Variants in PCDH11X observed in about 807,000 individuals in gnomAD.
PCDH11X encodes the protein protocadherin 11 X-linked, also known as protocadherin-11 X-linked.
In PCDH11X, 18 loss-of-function variants were observed where a neutral mutation model predicts 53.3. That is an observed-to-expected ratio of 0.34 (90% CI 0.23 to 0.50). PCDH11X has a LOEUF of 0.50. Ranked by LOEUF, PCDH11X falls within the 20% of genes least tolerant of loss-of-function variation. The pLI is 0.98. For missense variants in PCDH11X, 570 were observed against 1,032.4 expected, an observed-to-expected ratio of 0.55 and a Z score of 6.14; for synonymous variants, 279 against 393.3, an observed-to-expected ratio of 0.71 and a Z score of 3.44.
chrX:92,277,779 G>C (rs926495944), intron 8 of PCDH11X, among the ~76,000 whole-genome samples: 1 of 110,590 alleles, frequency 9.0e-6, no homozygotes, highest in African/African-American at 3.3e-5. Context: ...TAGAAAAGTG[G>C]GACTTGCCAC....
At chrX:92,596,237 C>T (rs954399142) in intron 10 of PCDH11X, among the ~76,000 whole-genome samples, 13 of 112,116 alleles carry the variant, frequency 1.2e-4, no homozygotes, top group Admixed American at 3.8e-4. Context: ...TGCAAAGCAG[C>T]GGTTTTACTC....
chrX:92,071,412 A>C (rs1453069470), intron 6 of PCDH11X, among the ~76,000 whole-genome samples: 1 of 111,436 alleles, frequency 9.0e-6, no homozygotes, highest in Non-Finnish European at 1.9e-5. Flanking sequence ...TTTTTGAATT[A>C]TCTCTCTGAA....
At chrX:92,118,465 A>G (rs2064683677) in intron 6 of PCDH11X, among the ~76,000 whole-genome samples, 1 of 107,734 alleles carries the variant, frequency 9.3e-6, no homozygotes, top group Non-Finnish European at 1.9e-5. Context: ...ATATATATGT[A>G]TTGACTCATT....
chrX:92,235,311 C>T (rs2067150184), intron 7 of PCDH11X, among the ~76,000 whole-genome samples: 1 of 111,031 alleles, frequency 9.0e-6, no homozygotes, highest in African/African-American at 3.3e-5. Context: ...TTATAGCTGT[C>T]AGGTCTGGGT....
rs186653883 is a variant in PCDH11X, at chrX:92,279,184, T to C, written c.3144+16041T>C. On this transcript the variant is annotated intron_variant, in intron 8 of 10. Transcript: ENST00000682573. ...TCAAATAGCATTCTCCTTCCCACTA[T>C]ATTTGATTCCTTTTAGCCTGGTATA... Among the ~76,000 whole-genome samples, 397 of 112,410 alleles carry C rather than the reference T, an allele frequency of 3.5e-3. 1 individual carries two copies. The highest frequency in any genetic ancestry group is 4.7e-3 in the Non-Finnish European group (250 of 53,311).
intron 8 of PCDH11X, among the ~76,000 whole-genome samples, chrX:92,299,689 T>A (rs754423609): frequency 2.5e-4 from 28 of 111,773 alleles, no homozygotes; most frequent in Non-Finnish European, 5.1e-4. Flanking sequence ...TGTGTTTATC[T>A]AAATTTTCTC....
chrX:92,107,524 G>C (rs1165558959), intron 6 of PCDH11X, among the ~76,000 whole-genome samples: 1 of 111,781 alleles, frequency 8.9e-6, no homozygotes, highest in Non-Finnish European at 1.9e-5. Context: ...ATCACCTGAA[G>C]TCGGGAGTTC....
chrX:92,246,646 C>T (rs748039624), intron 7 of PCDH11X, among the ~76,000 whole-genome samples: 12 of 111,468 alleles, frequency 1.1e-4, no homozygotes, highest in Non-Finnish European at 2.1e-4. Flanking sequence ...CCACCGTGCC[C>T]GACCTGAAAA....
chrX:92,575,905 GTATATATATATATATATATATATATA>G (rs58574424), intron 10 of PCDH11X, among the ~76,000 whole-genome samples: 2 of 25,825 alleles, frequency 7.7e-5, no homozygotes, highest in Non-Finnish European at 1.2e-4. Flanking sequence ...TACCTGGTGT[GTATATATATATATATATATATATATA>G]TATATATATA....
intron 10 of PCDH11X, among the ~76,000 whole-genome samples, chrX:92,498,494 C>A (rs1052859145): frequency 9.1e-6 from 1 of 110,383 alleles, no homozygotes; most frequent in Non-Finnish European, 1.9e-5. Flanking sequence ...GTAGGGGCTT[C>A]TTTTCCTTAA....
intron 9 of PCDH11X, among the ~76,000 whole-genome samples, chrX:92,438,566 G>A (rs976167546): frequency 1.8e-5 from 2 of 110,424 alleles, no homozygotes; most frequent in Non-Finnish European, 3.8e-5. Flanking sequence ...ACCTAGGAAG[G>A]ATTTTCTGAC....
chrX:91,871,709 GAAAA>G (rs60451031), intron 5 of PCDH11X, among the ~76,000 whole-genome samples: 1 of 106,211 alleles, frequency 9.4e-6, no homozygotes, highest in Non-Finnish European at 2.0e-5. Flanking sequence ...TTTTTTAAAA[GAAAA>G]AAAAAACTTC....
intron 5 of PCDH11X, among the ~76,000 whole-genome samples, chrX:91,853,433 A>T (rs1196782938): frequency 9.2e-6 from 1 of 108,885 alleles, no homozygotes; most frequent in Non-Finnish European, 1.9e-5. Context: ...TTAACATAAA[A>T]AATTGGAATG....
At chrX:92,048,208 TG>T (rs1315927761) in intron 6 of PCDH11X, among the ~76,000 whole-genome samples, 1 of 104,151 alleles carries the variant, frequency 9.6e-6, no homozygotes, top group Non-Finnish European at 1.9e-5. Context: ...AAATAATTCT[TG>T]ATTACCTATT....
chrX:91,805,119 C>G (rs1322766448), intron 1 of PCDH11X, among the ~76,000 whole-genome samples: 1 of 105,702 alleles, frequency 9.5e-6, no homozygotes, highest in Non-Finnish European at 2.0e-5. Flanking sequence ...CTTTCTACAA[C>G]CACTTCTAAT....
chrX:92,265,162 C>T (rs756477663), intron 8 of PCDH11X, among the ~76,000 whole-genome samples: 12 of 109,127 alleles, frequency 1.1e-4, no homozygotes, highest in African/African-American at 4.0e-4. Flanking sequence ...TTTGAACTCC[C>T]AGGCTCAACT....
intron 6 of PCDH11X, among the ~76,000 whole-genome samples, chrX:91,900,882 A>C (rs1420610492): frequency 9.0e-6 from 1 of 111,654 alleles, no homozygotes; most frequent in South Asian, 3.8e-4. Flanking sequence ...GGAAACTGAG[A>C]CAGCTTTCAG....
At chrX:91,846,377 G>A (rs1346377134) in intron 5 of PCDH11X, among the ~76,000 whole-genome samples, 5 of 110,834 alleles carry the variant, frequency 4.5e-5, no homozygotes, top group Non-Finnish European at 9.4e-5. Context: ...CAGCACTTTC[G>A]GAGGCCGTGG....
intron 8 of PCDH11X, among the ~76,000 whole-genome samples, chrX:92,321,200 T>G (rs970122551): frequency 7.0e-5 from 7 of 100,152 alleles, no homozygotes; most frequent in Non-Finnish European, 1.2e-4. Flanking sequence ...TTTTGTTTTT[T>G]TTTTTTTTTT....
Sources: gnomAD v4.1 joint callset for allele counts (sites outside exome capture counted in the v4.1 genomes callset) on GRCh38, gnomAD v4.1.1 for gene constraint, MANE v1.5 for transcripts, NCBI Gene and HGNC (gene_info 2026-07-23, HGNC 2026-07-21) for gene names.